Variants in WDR27 observed in about 807,000 individuals in gnomAD.
WDR27 encodes WD repeat domain 27.
Under a neutral mutation model 114.4 loss-of-function variants are expected in WDR27, and 100 were observed. That is an observed-to-expected ratio of 0.87 (90% CI 0.74 to 1.03). The LOEUF (loss-of-function observed/expected upper bound fraction) is 1.03, where lower values mean the gene tolerates loss of function less well. Among genes scored for constraint, WDR27 ranks in the 50% least tolerant of loss-of-function variants. WDR27 has a pLI of 0.00. For missense variants in WDR27, 1,129 were observed against 1,092.9 expected (o/e 1.03, Z -0.47); for synonymous variants, 449 against 423.1 (o/e 1.06, Z -0.75).
In WDR27 at chr6:169,645,015, A is replaced by T. The variant is rs200355735; in HGVS notation, c.1658-1229T>A. The stretch of plus-strand genomic sequence containing the variant: ...CAGAGCGAGACTCCGTCTCAAAAAA[A>T]AAAAAAATAAAAAAAAAAAATAAAA... On this transcript the variant is annotated intron_variant, in intron 16 of 25. Transcript: ENST00000448612. 3.0e-4 allele frequency among the ~76,000 whole-genome samples: 19 copies of T among 63,670 alleles called. 3 individuals carry two copies. In the East Asian group the frequency reaches 0.015, roughly 49 times the overall value. The allele number at this position is 63,670 out of a possible 152,430, so 41.8% of individuals were successfully genotyped here.
intron 23 of WDR27, among the ~76,000 whole-genome samples, chr6:169,588,962 AT>A (rs1345031938): frequency 6.6e-6 from 1 of 152,112 alleles, no homozygotes; most frequent in Non-Finnish European, 1.5e-5. Flanking sequence ...TTCCAAACTG[AT>A]TTTTCTGACT....
At chr6:169,504,958 C>T (rs1454266670) in intron 25 of WDR27, among the ~76,000 whole-genome samples, 2 of 152,050 alleles carry the variant, frequency 1.3e-5, no homozygotes, top group Non-Finnish European at 2.9e-5. Context: ...GACAATAGGG[C>T]TTCTAAAAAA....
intron 25 of WDR27, among the ~76,000 whole-genome samples, chr6:169,533,400 T>C (rs1392124403): frequency 6.6e-6 from 1 of 152,106 alleles, no homozygotes; most frequent in Non-Finnish European, 1.5e-5. Flanking sequence ...CCTGAAACTT[T>C]TTTGCATGGA....
At chr6:169,466,796 T>G (rs1022641830) in intron 25 of WDR27, among the ~76,000 whole-genome samples, 1 of 152,192 alleles carries the variant, frequency 6.6e-6, no homozygotes, top group African/African-American at 2.4e-5. Flanking sequence ...TCTCATGTCT[T>G]CACATTTCAA....
In WDR27 at chr6:169,613,457, A is replaced by T. The variant is rs1247819595; in HGVS notation, c.2321+102T>A. 80 of 970,476 alleles carry T rather than the reference A, an allele frequency of 8.2e-5. No individual in the cohort carries two copies. The East Asian group carries it at 1.9e-3, about 23-fold the overall frequency. 60.1% of individuals were successfully genotyped at this position (970,476 alleles called of 1,614,324 possible). On this transcript the variant is annotated intron_variant, in intron 22 of 25. Coordinates refer to ENST00000448612, the MANE Select transcript of WDR27 (RefSeq NM_182552.5). ...ATCAGTCTTAGATTAGTCAGTGTGC[A>T]CAGATTAACCACAACCTCATCACAT...
chr6:169,579,676 C>T (rs1307133948), intron 24 of WDR27, among the ~76,000 whole-genome samples: 1 of 152,178 alleles, frequency 6.6e-6, no homozygotes, highest in Non-Finnish European at 1.5e-5. Flanking sequence ...GGTTCCGGAA[C>T]TCCCACCCCT....
chr6:169,616,211 C>T (rs954650927), intron 21 of WDR27, among the ~76,000 whole-genome samples: 2 of 152,160 alleles, frequency 1.3e-5, no homozygotes, highest in Admixed American at 1.3e-4. Context: ...AAGAAACTAG[C>T]TGGGTGCAGT....
At chr6:169,469,477 G>A (rs1363886672) in intron 25 of WDR27, among the ~76,000 whole-genome samples, 2 of 152,174 alleles carry the variant, frequency 1.3e-5, no homozygotes. Flanking sequence ...CCACTGGGGT[G>A]GCAGCAGCAT....
chr6:169,455,250 T>C (rs1008835324), downstream of WDR27, among the ~76,000 whole-genome samples: 1 of 152,204 alleles, frequency 6.6e-6, no homozygotes, highest in Non-Finnish European at 1.5e-5. Context: ...CAGAATGTCA[T>C]GGCTTCTCTC....
intron 24 of WDR27, among the ~76,000 whole-genome samples, chr6:169,575,726 AC>A (rs1802226894): frequency 6.6e-6 from 1 of 152,232 alleles, no homozygotes; most frequent in Non-Finnish European, 1.5e-5. Context: ...ATTTTGATGC[AC>A]CATCTAATAG....
intron 25 of WDR27, among the ~76,000 whole-genome samples, chr6:169,570,178 GA>G (rs1204876634): frequency 6.6e-6 from 1 of 152,216 alleles, no homozygotes; most frequent in African/African-American, 2.4e-5. Flanking sequence ...TGGCCACAAG[GA>G]AACCACAGGT....
chr6:169,616,441 C>G (rs1811844657), intron 21 of WDR27, among the ~76,000 whole-genome samples: 1 of 152,044 alleles, frequency 6.6e-6, no homozygotes, highest in African/African-American at 2.4e-5. Context: ...TGAGCCAAGA[C>G]TGCGCCACTG....
intron 25 of WDR27, among the ~76,000 whole-genome samples, chr6:169,516,835 A>ACACC (rs1491176990): frequency 6.2e-5 from 9 of 144,552 alleles, no homozygotes; most frequent in African/African-American, 1.3e-4. Flanking sequence ...ACACACACAC[A>ACACC]CCCCTCCCTT....
At chr6:169,665,929 G>A (rs112347005) in intron 6 of WDR27, among the ~76,000 whole-genome samples, 23 of 152,224 alleles carry the variant, frequency 1.5e-4, no homozygotes, top group African/African-American at 2.9e-4. Flanking sequence ...TTTAATCGAC[G>A]TTGCACTTGG....
At chr6:169,691,983 CT>C (rs1261729906) in intron 1 of WDR27, among the ~76,000 whole-genome samples, 8 of 152,174 alleles carry the variant, frequency 5.3e-5, no homozygotes, top group African/African-American at 1.4e-4. Flanking sequence ...TTCACAGATC[CT>C]TTTAAAGAAG....
At chr6:169,533,931 T>C (rs775899200) in intron 25 of WDR27, among the ~76,000 whole-genome samples, 1 of 152,012 alleles carries the variant, frequency 6.6e-6, no homozygotes, top group Non-Finnish European at 1.5e-5. Flanking sequence ...TCCAATACAA[T>C]GATGAACAGA....
chr6:169,451,054 T>C, the WDR27 span, among the ~76,000 whole-genome samples: 5 of 152,168 alleles, frequency 3.3e-5, no homozygotes, highest in African/African-American at 1.2e-4. Flanking sequence ...CCCTCACAAT[T>C]TGCTCACAAG....
At chr6:169,543,098 A>C (rs111643035) in intron 25 of WDR27, among the ~76,000 whole-genome samples, 172 of 152,258 alleles carry the variant, frequency 1.1e-3, no homozygotes, top group African/African-American at 4.0e-3. Context: ...TCAATAAAGA[A>C]AATGGGAAAT....
chr6:169,508,083 CA>C (rs2115515987), intron 25 of WDR27, among the ~76,000 whole-genome samples: 1 of 152,262 alleles, frequency 6.6e-6, no homozygotes, highest in Non-Finnish European at 1.5e-5. Flanking sequence ...AGATGAATGG[CA>C]GAGCATTGTG....
Sources: allele counts gnomAD v4.1 joint callset (sites outside exome capture counted in the v4.1 genomes callset), GRCh38; gene constraint gnomAD v4.1.1; transcripts MANE v1.5; gene names NCBI Gene and HGNC (gene_info 2026-07-23, HGNC 2026-07-21).